Variants in E2F6 observed in about 807,000 individuals in gnomAD.
E2F6 encodes the protein transcription factor E2F6.
A neutral mutation model predicts 31.5 loss-of-function variants in E2F6; 19 were observed. The observed-to-expected ratio is 0.60, with a 90% CI of 0.42 to 0.89. The LOEUF (loss-of-function observed/expected upper bound fraction) is 0.89, where lower values mean the gene tolerates loss of function less well. E2F6 is among the 40% of genes least tolerant of loss of function. The pLI is 0.00. For missense variants in E2F6, 269 were observed against 341.6 expected, an observed-to-expected ratio of 0.79 and a Z score of 1.67; for synonymous variants, 121 against 127.7, an observed-to-expected ratio of 0.95 and a Z score of 0.36.
intron 5 of E2F6, among the ~76,000 whole-genome samples, chr2:11,448,085 C>T (rs56377296): frequency 0.019 from 2,926 of 152,222 alleles, 96 homozygotes; most frequent in African/African-American, 0.067. Flanking sequence ...ACCCTAGAGT[C>T]TCACAGGATA....
chr2:11,457,032 G>A lies in E2F6; in HGVS notation c.163+147C>T, dbSNP rs1277442008. 16 of 644,086 alleles carry A rather than the reference G, an allele frequency of 2.5e-5. No homozygotes were observed. The Middle Eastern group carries it at 7.9e-4, about 32-fold the overall frequency. The allele number at this position is 644,086 out of a possible 1,614,324, so 39.9% of individuals were successfully genotyped here. On this transcript the variant is annotated intron_variant, in intron 2 of 6. Coordinates refer to ENST00000381525, the MANE Select transcript of E2F6 (RefSeq NM_198256.4). ...GATTCAACCCATAACCTCAGGAGTT[G>A]TTACTAAAACTTGCAACTTTACATT...
At position 11,444,448 on chromosome 2, in the gene E2F6, C is replaced by T. The variant is rs1394132129; in HGVS notation, c.*2029G>A. 1 of 152,222 alleles carries T rather than the reference C, an allele frequency of 6.6e-6. No homozygotes were observed. Among genetic ancestry groups the T allele is most frequent in the Non-Finnish European group, 1.5e-5 (1 of 68,040 alleles). 9.4% of individuals were successfully genotyped at this position (152,222 alleles called of 1,614,324 possible). A position where few individuals can be genotyped will look rare whatever the true frequency, so the allele number is the denominator to read the frequency against. ...CAAAGGATTTTCGTTTACATGATCT[C>T]ATTTTACCTTCAGAACAATTTGTAA... On this transcript the variant is annotated 3_prime_UTR_variant, in exon 7 of 7. Transcript: ENST00000381525.
At chr2:11,451,420 C>T (rs903792971) in intron 4 of E2F6, 16 of 293,498 alleles carry the variant, frequency 5.5e-5, no homozygotes, top group African/African-American at 2.7e-4. Flanking sequence ...GCGCCATCTC[C>T]GCTCACAGCA....
At chr2:11,452,232 CAT>C (rs1671115702) in intron 3 of E2F6, among the ~76,000 whole-genome samples, 1 of 152,150 alleles carries the variant, frequency 6.6e-6, no homozygotes, top group African/African-American at 2.4e-5. Flanking sequence ...CCTCTGCTAA[CAT>C]GTGAGGAGTC....
chr2:11,455,908 G>A (rs2148349331), intron 2 of E2F6, among the ~76,000 whole-genome samples: 1 of 152,302 alleles, frequency 6.6e-6, no homozygotes. Context: ...TAGGGAACAG[G>A]AAGGCGAATG....
chr2:11,447,131 G>A (rs888746170), intron 6 of E2F6, among the ~76,000 whole-genome samples: 2 of 152,218 alleles, frequency 1.3e-5, no homozygotes, highest in East Asian at 1.9e-4. Context: ...GCTGGGTTCC[G>A]AGGTTAGATG....
chr2:11,453,102 G>A (rs1671173685), intron 3 of E2F6, among the ~76,000 whole-genome samples: 1 of 151,656 alleles, frequency 6.6e-6, no homozygotes, highest in Non-Finnish European at 1.5e-5. Context: ...AATGTCTTAA[G>A]CTTCCCTTTC....
chr2:11,447,523 G>A (rs1444391018), intron 6 of E2F6, 104 bp downstream of exon 6: 1 of 1,261,030 alleles, frequency 7.9e-7, no homozygotes. Context: ...TTTTACTCAT[G>A]TTTTTGTGGC....
chr2:11,451,848 G>A, intron 3 of E2F6, 42 bp from the exon 4 acceptor site: 3 of 1,561,910 alleles, frequency 1.9e-6, no homozygotes, highest in Non-Finnish European at 2.6e-6. Flanking sequence ...CCAACTAGGA[G>A]ATAACAAAGT....
At chr2:11,464,907 A>C (rs957530053) in intron 1 of E2F6, among the ~76,000 whole-genome samples, 1 of 152,196 alleles carries the variant, frequency 6.6e-6, no homozygotes, top group South Asian at 2.1e-4. Flanking sequence ...TATAGAAAGA[A>C]AGCAGCAGAG....
At chr2:11,447,488 C>T in intron 6 of E2F6, 139 bp downstream of exon 6, 1 of 909,886 alleles carries the variant, frequency 1.1e-6, no homozygotes, top group East Asian at 2.5e-5. Flanking sequence ...ATATTCTAAA[C>T]TACAGTAAGA....
intron 2 of E2F6, among the ~76,000 whole-genome samples, chr2:11,454,256 T>C (rs1481295353): frequency 2.0e-5 from 3 of 152,174 alleles, no homozygotes; most frequent in Non-Finnish European, 4.4e-5. Flanking sequence ...ATCCATGTCA[T>C]AGTGTAAGTT....
intron 5 of E2F6, among the ~76,000 whole-genome samples, chr2:11,448,391 T>C (rs796949824): frequency 7.9e-5 from 12 of 152,336 alleles, no homozygotes; most frequent in South Asian, 2.1e-4. Flanking sequence ...TTATAAATGA[T>C]TGCTTTAATT....
At chr2:11,450,603 G>A (rs1355301416) in intron 4 of E2F6, among the ~76,000 whole-genome samples, 1 of 152,146 alleles carries the variant, frequency 6.6e-6, no homozygotes, top group Non-Finnish European at 1.5e-5. Context: ...ACGACTTAGA[G>A]ATTAAGTTTC....
At chr2:11,464,221 A>G (rs1361517636) in intron 1 of E2F6, among the ~76,000 whole-genome samples, 2 of 152,120 alleles carry the variant, frequency 1.3e-5, no homozygotes, top group Admixed American at 6.6e-5. Context: ...CATCAAGTGG[A>G]AACAGTGAGT....
chr2:11,461,542 G>A (rs916288282), intron 1 of E2F6, among the ~76,000 whole-genome samples: 2 of 152,040 alleles, frequency 1.3e-5, no homozygotes, highest in Admixed American at 1.3e-4. Context: ...TAGTAGAAAC[G>A]GGGTTTCACC....
chr2:11,461,453 G>C (rs535009916), intron 1 of E2F6, among the ~76,000 whole-genome samples: 20 of 152,336 alleles, frequency 1.3e-4, no homozygotes, highest in African/African-American at 4.8e-4. Context: ...CTGGGTTCAA[G>C]TGATTCTTCT....
At chr2:11,453,501 C>A (rs1671200952) in intron 3 of E2F6, 81 bp downstream of exon 3, 5 of 1,274,026 alleles carry the variant, frequency 3.9e-6, no homozygotes, top group Non-Finnish European at 5.6e-6. Flanking sequence ...TGTCAAAACA[C>A]TGCCACTATC....
intron 1 of E2F6, among the ~76,000 whole-genome samples, chr2:11,459,243 A>G (rs1671608938): frequency 6.6e-6 from 1 of 152,100 alleles, no homozygotes; most frequent in Non-Finnish European, 1.5e-5. Context: ...TACACACTCT[A>G]CTTACTGGCT....
Sources: gnomAD v4.1 joint callset for allele counts (sites outside exome capture counted in the v4.1 genomes callset) on GRCh38, gnomAD v4.1.1 for gene constraint, MANE v1.5 for transcripts, NCBI Gene and HGNC (gene_info 2026-07-23, HGNC 2026-07-21) for gene names.